The following CCDC38 variants were observed in gnomAD, a reference collection of about 807,000 sequenced individuals.
The protein encoded by CCDC38 is coiled-coil domain-containing protein 38.
In CCDC38, 69 loss-of-function variants were observed where a neutral mutation model predicts 72.8. The observed-to-expected ratio is 0.95, with a 90% CI of 0.78 to 1.16. The LOEUF (loss-of-function observed/expected upper bound fraction) is 1.16. Ranked by LOEUF, CCDC38 falls within the 50% of genes most tolerant of loss-of-function variation. The probability of loss-of-function intolerance (pLI) is 0.00; values close to 1 mark genes in which losing one functional copy is unlikely to be tolerated. For synonymous variants in CCDC38, 201 were observed against 213.2 expected (o/e 0.94, Z 0.50); for missense variants, 626 against 638.9 (o/e 0.98, Z 0.22).
intron 1 of CCDC38, among the ~76,000 whole-genome samples, chr12:95,938,667 T>C (rs1422887963): frequency 6.6e-6 from 1 of 152,204 alleles, no homozygotes; most frequent in African/African-American, 2.4e-5. Context: ...AATTCCTGTA[T>C]TGATGAATGA....
At chr12:95,889,387 C>T (rs2079798482) in intron 9 of CCDC38, among the ~76,000 whole-genome samples, 1 of 152,010 alleles carries the variant, frequency 6.6e-6, no homozygotes, top group South Asian at 2.1e-4. Flanking sequence ...AACTGAGAAA[C>T]TTCTATATTC....
chr12:95,877,651 G>A (rs1016691041), intron 13 of CCDC38, among the ~76,000 whole-genome samples: 2 of 152,146 alleles, frequency 1.3e-5, no homozygotes, highest in East Asian at 1.9e-4. Context: ...TCAACTGAAT[G>A]AAGAATAATA....
At chr12:95,880,546 TGGGA>T (rs1704293955) in intron 11 of CCDC38, among the ~76,000 whole-genome samples, 1 of 151,284 alleles carries the variant, frequency 6.6e-6, no homozygotes, top group Admixed American at 6.6e-5. Flanking sequence ...CCCAGCTACT[TGGGA>T]GGCTGAGGCA....
intron 1 of CCDC38, among the ~76,000 whole-genome samples, chr12:95,939,545 C>G (rs2080427904): frequency 6.6e-6 from 1 of 152,058 alleles, no homozygotes; most frequent in Non-Finnish European, 1.5e-5. Context: ...ACAGTAGAGT[C>G]TACAGGATTG....
intron 13 of CCDC38, among the ~76,000 whole-genome samples, chr12:95,874,712 G>A (rs1287011092): frequency 6.6e-6 from 1 of 152,118 alleles, no homozygotes; most frequent in African/African-American, 2.4e-5. Flanking sequence ...AGGTGAATGG[G>A]ACAGGAATTA....
At chr12:95,872,193 G>T in intron 14 of CCDC38, 62 bp downstream of exon 14, 2 of 1,458,682 alleles carry the variant, frequency 1.4e-6, no homozygotes, top group Non-Finnish European at 1.9e-6. Flanking sequence ...TTGCTAATGT[G>T]TTTGTGGAAT....
In CCDC38 at chr12:95,898,836, C is replaced by T. The variant is rs375259492; in HGVS notation, c.370-105G>A. ...AACATTTGTATTAGAAATAATAGTA[C>T]GCCTAAATCTTGGAGCAATGGACTT... On this transcript the variant is annotated intron_variant, in intron 5 of 15. Coordinates refer to ENST00000344280, the MANE Select transcript of CCDC38 (RefSeq NM_182496.3). The T allele has an allele frequency of 9.2e-5, 104 of 1,132,922 alleles. No homozygotes were observed. The African/African-American group carries it at 9.5e-4, about 10-fold the overall frequency. 70.2% of individuals were successfully genotyped at this position (1,132,922 alleles called of 1,614,324 possible). A position where few individuals can be genotyped will look rare whatever the true frequency, so the allele number is the denominator to read the frequency against.
At chr12:95,874,383 TTTC>T (rs2079613392) in intron 13 of CCDC38, among the ~76,000 whole-genome samples, 1 of 152,280 alleles carries the variant, frequency 6.6e-6, no homozygotes, top group East Asian at 1.9e-4. Flanking sequence ...TACGATGTCT[TTTC>T]TACACCACCA....
chr12:95,892,081 CTTTTTTTTTT>C (rs67478657), intron 8 of CCDC38, among the ~76,000 whole-genome samples: 1 of 97,996 alleles, frequency 1.0e-5, no homozygotes, highest in African/African-American at 4.6e-5. Context: ...GATCACTCTG[CTTTTTTTTTT>C]TTTTTTTTTT....
intron 2 of CCDC38, among the ~76,000 whole-genome samples, chr12:95,926,843 T>G (rs540025521): frequency 6.6e-6 from 1 of 151,678 alleles, no homozygotes; most frequent in African/African-American, 2.4e-5. Flanking sequence ...TCCATGTAGT[T>G]GAGTGGTTTT....
At chr12:95,912,512 G>C (rs1329882014) in intron 4 of CCDC38, among the ~76,000 whole-genome samples, 1 of 152,186 alleles carries the variant, frequency 6.6e-6, no homozygotes, top group Non-Finnish European at 1.5e-5. Context: ...CACAAGTACA[G>C]CTAGACAGCA....
intron 13 of CCDC38, among the ~76,000 whole-genome samples, chr12:95,872,802 G>A (rs2079595849): frequency 6.6e-6 from 1 of 152,282 alleles, no homozygotes; most frequent in East Asian, 1.9e-4. Context: ...CTTGAATTCC[G>A]GACCTCAGGT....
intron 10 of CCDC38, chr12:95,885,914 T>C (rs2079753775): frequency 1.3e-5 from 2 of 152,224 alleles, no homozygotes; most frequent in African/African-American, 2.4e-5. Context: ...AGTAGCAGTA[T>C]GTTACCAGTT....
At chr12:95,900,072 T>C (rs553115518) in intron 5 of CCDC38, among the ~76,000 whole-genome samples, 64 of 152,228 alleles carry the variant, frequency 4.2e-4, no homozygotes, top group African/African-American at 1.5e-3. Context: ...AAAGTAATTG[T>C]GGTTTTTGCC....
At position 95,898,664 on chromosome 12, in the gene CCDC38, T is replaced by G. The variant is rs1289766761; in HGVS notation, c.437A>C (p.Gln146Pro). 2.5e-6 allele frequency: 4 copies of G among 1,614,100 alleles called. No homozygotes were observed. The African/African-American group carries it at 4.0e-5, about 16-fold the overall frequency. ...GAGCTTTTTCTCTGCTTTTTTTAGT[T>G]GCCGTTCCCTCATTGCTATGTCTTT... The part of the protein sequence containing the change: ...FEKDIAMRER[Q>P]LKKAEKKLQD... The change falls in exon 6 of 16, where the codon CAA (glutamine) becomes CCA (proline). Residue 146 changes from glutamine to proline, a missense_variant. By Grantham distance (76) the Gln-to-Pro change is moderately conservative. Coordinates refer to ENST00000344280, the MANE Select transcript of CCDC38 (RefSeq NM_182496.3).
At chr12:95,883,848 G>C (rs1459685817) in intron 10 of CCDC38, among the ~76,000 whole-genome samples, 2 of 152,166 alleles carry the variant, frequency 1.3e-5, no homozygotes, top group South Asian at 2.1e-4. Flanking sequence ...GCATGTTACT[G>C]TGAGCATCTA....
intron 2 of CCDC38, among the ~76,000 whole-genome samples, chr12:95,932,462 C>T (rs763838639): frequency 2.0e-5 from 3 of 151,882 alleles, no homozygotes; most frequent in Non-Finnish European, 1.5e-5. Flanking sequence ...ATTTGGAGTA[C>T]ATACCAATAT....
intron 2 of CCDC38, among the ~76,000 whole-genome samples, chr12:95,926,492 G>C (rs935857819): frequency 1.1e-4 from 17 of 151,836 alleles, no homozygotes; most frequent in African/African-American, 4.1e-4. Flanking sequence ...CAAAAAACCA[G>C]CTCCTGGATT....
chr12:95,914,413 T>C (rs2080124316), intron 4 of CCDC38, among the ~76,000 whole-genome samples: 1 of 152,236 alleles, frequency 6.6e-6, no homozygotes, highest in Non-Finnish European at 1.5e-5. Flanking sequence ...GTTCCCTGTG[T>C]ACCTGTCACC....
Sources: allele counts gnomAD v4.1 joint callset (sites outside exome capture counted in the v4.1 genomes callset), GRCh38; gene constraint gnomAD v4.1.1; transcripts MANE v1.5; gene names NCBI Gene and HGNC (gene_info 2026-07-23, HGNC 2026-07-21).